UBE2E2: variants seen among roughly 807,000 people sequenced by gnomAD.
UBE2E2 encodes ubiquitin conjugating enzyme E2 E2.
Under a neutral mutation model 24.7 loss-of-function variants are expected in UBE2E2, and 6 were observed. The ratio of observed to expected loss-of-function variants is 0.24; its 90% CI spans 0.13 to 0.48. The LOEUF (loss-of-function observed/expected upper bound fraction) is 0.48. Ranked by LOEUF, UBE2E2 falls within the 20% of genes least tolerant of loss-of-function variation. UBE2E2 has a pLI of 0.99. For synonymous variants in UBE2E2, 104 were observed against 83.6 expected (o/e 1.24, Z -1.33); for missense variants, 169 against 245.0 (o/e 0.69, Z 2.07).
At chr3:23,579,160 A>G (rs1432092009) in intron 5 of UBE2E2, among the ~76,000 whole-genome samples, 1 of 152,020 alleles carries the variant, frequency 6.6e-6, no homozygotes, top group Admixed American at 6.6e-5. Flanking sequence ...TGGGAGGCCA[A>G]GGTAGGTGGA....
chr3:23,494,479 C>T (rs1699564095), intron 3 of UBE2E2, among the ~76,000 whole-genome samples: 1 of 152,136 alleles, frequency 6.6e-6, no homozygotes, highest in African/African-American at 2.4e-5. Context: ...ACATACAGCA[C>T]ATTTCAATTT....
intron 5 of UBE2E2, among the ~76,000 whole-genome samples, chr3:23,550,032 CAAA>C (rs35163126): frequency 4.2e-5 from 4 of 96,300 alleles, no homozygotes; most frequent in Admixed American, 1.1e-4. Context: ...GACTCCATCT[CAAA>C]AAAAAAAAAA....
chr3:23,469,888 C>A (rs1405358030), intron 3 of UBE2E2, among the ~76,000 whole-genome samples: 1 of 152,170 alleles, frequency 6.6e-6, no homozygotes, highest in Non-Finnish European at 1.5e-5. Context: ...CCTTTCTATG[C>A]ATAGAAATCT....
chr3:23,473,910 G>A (rs984478885), intron 3 of UBE2E2, among the ~76,000 whole-genome samples: 3 of 151,928 alleles, frequency 2.0e-5, no homozygotes, highest in Non-Finnish European at 2.9e-5. Context: ...TTTCCTCTGG[G>A]TAAATACCCA....
At chr3:23,528,749 A>G (rs1445361317) in intron 4 of UBE2E2, among the ~76,000 whole-genome samples, 1 of 152,152 alleles carries the variant, frequency 6.6e-6, no homozygotes, top group African/African-American at 2.4e-5. Context: ...CTGGCAGGTT[A>G]ACTGGCAGAG....
intron 3 of UBE2E2, among the ~76,000 whole-genome samples, chr3:23,404,649 C>T (rs1040642784): frequency 2.0e-5 from 3 of 152,156 alleles, no homozygotes; most frequent in Non-Finnish European, 4.4e-5. Flanking sequence ...TATAGCAACA[C>T]AAAGTACCTT....
rs375366993 is a variant in UBE2E2 at position 23,572,440 on chromosome 3, C to T, written c.509-17294C>T. On this transcript the variant is annotated intron_variant, in intron 5 of 5. Transcript: ENST00000396703. The stretch of plus-strand genomic sequence containing the variant: ...ATATGCAGGTTACAAAGGTATATTG[C>T]GTGTTGCTAAAGTTTGGGGTTCTGT... Among the ~76,000 whole-genome samples the T allele has an allele frequency of 1.7e-4, 26 of 152,124 alleles. No homozygotes were observed. The South Asian group carries it at 1.9e-3, about 11-fold the overall frequency.
At chr3:23,353,000 A>T (rs1695806656) in intron 3 of UBE2E2, among the ~76,000 whole-genome samples, 1 of 152,134 alleles carries the variant, frequency 6.6e-6, no homozygotes, top group Admixed American at 6.5e-5. Context: ...ATACTAGCAA[A>T]CCGAATCCAG....
chr3:23,299,675 G>A (rs896046278), intron 3 of UBE2E2, among the ~76,000 whole-genome samples: 3 of 152,102 alleles, frequency 2.0e-5, no homozygotes, highest in Admixed American at 6.6e-5. Flanking sequence ...CTGTTCTTTT[G>A]CATTTGCTGA....
At chr3:23,478,896 A>ATATATATATATATATATATATTTTTTT (rs1192241310) in intron 3 of UBE2E2, among the ~76,000 whole-genome samples, 2 of 120,448 alleles carry the variant, frequency 1.7e-5, no homozygotes, top group African/African-American at 5.3e-5. Context: ...ATATATATAT[A>ATATATATATATATATATATATTTTTTT]TTTTTTTTTT....
intron 3 of UBE2E2, among the ~76,000 whole-genome samples, chr3:23,442,893 A>G (rs781481510): frequency 2.0e-5 from 3 of 152,172 alleles, no homozygotes; most frequent in Non-Finnish European, 2.9e-5. Context: ...TGCAGTATGT[A>G]TTATTTAATT....
intron 3 of UBE2E2, among the ~76,000 whole-genome samples, chr3:23,290,985 C>T (rs1173728866): frequency 3.4e-5 from 5 of 149,144 alleles, no homozygotes; most frequent in Non-Finnish European, 5.9e-5. Context: ...GGGAAGATCG[C>T]TTGAGCCTAG....
At chr3:23,300,569 A>T (rs1444123467) in intron 3 of UBE2E2, among the ~76,000 whole-genome samples, 2 of 152,150 alleles carry the variant, frequency 1.3e-5, no homozygotes. Context: ...ATATGAAATT[A>T]TGGGTTGAAA....
intron 3 of UBE2E2, among the ~76,000 whole-genome samples, chr3:23,313,748 A>T (rs1054480965): frequency 3.9e-5 from 6 of 152,032 alleles, no homozygotes; most frequent in Non-Finnish European, 8.8e-5. Flanking sequence ...GTCCACTTAC[A>T]TTCAGTGTTG....
At chr3:23,292,234 C>T in intron 3 of UBE2E2, among the ~76,000 whole-genome samples, 1 of 152,116 alleles carries the variant, frequency 6.6e-6, no homozygotes, top group East Asian at 1.9e-4. Context: ...GTGTCAGTCT[C>T]CCAAAGTTCT....
At chr3:23,437,354 C>T (rs1311963179) in intron 3 of UBE2E2, among the ~76,000 whole-genome samples, 1 of 152,214 alleles carries the variant, frequency 6.6e-6, no homozygotes, top group Non-Finnish European at 1.5e-5. Flanking sequence ...ATGCCACCCA[C>T]TTAATACCTG....
intron 3 of UBE2E2, among the ~76,000 whole-genome samples, chr3:23,443,985 C>T (rs1375009341): frequency 6.6e-6 from 1 of 152,068 alleles, no homozygotes; most frequent in African/African-American, 2.4e-5. Context: ...AAATTACAGT[C>T]CCTTCTGCTG....
chr3:23,366,668 T>TGC (rs907940938), intron 3 of UBE2E2, among the ~76,000 whole-genome samples: 1 of 152,092 alleles, frequency 6.6e-6, no homozygotes, highest in Non-Finnish European at 1.5e-5. Context: ...TTGGGTACTA[T>TGC]GCTTATTACC....
chr3:23,546,094 T>G (rs1695515874), intron 5 of UBE2E2, among the ~76,000 whole-genome samples: 1 of 152,174 alleles, frequency 6.6e-6, no homozygotes, highest in Non-Finnish European at 1.5e-5. Context: ...AATCTCAGAC[T>G]TTACCACTAT....
Sources: gnomAD v4.1 joint callset for allele counts (sites outside exome capture counted in the v4.1 genomes callset) on GRCh38, gnomAD v4.1.1 for gene constraint, MANE v1.5 for transcripts, NCBI Gene and HGNC (gene_info 2026-07-23, HGNC 2026-07-21) for gene names.